The following RNF41 variants were observed in gnomAD, a reference collection of about 807,000 sequenced individuals.
The protein encoded by RNF41 is ring finger protein 41.
A neutral mutation model predicts 33.0 loss-of-function variants in RNF41; 4 were observed. The ratio of observed to expected loss-of-function variants is 0.12; its 90% CI spans 0.06 to 0.28. The LOEUF is 0.28. RNF41 is among the 10% of genes least tolerant of loss of function. The pLI is 1.00. For missense variants in RNF41, 228 were observed against 432.6 expected, an observed-to-expected ratio of 0.53 and a Z score of 4.19; for synonymous variants, 164 against 153.2, an observed-to-expected ratio of 1.07 and a Z score of -0.52.
Position 56,206,860 on chromosome 12 carries a change from T to C in RNF41, c.603-62A>G. 8.0e-7 allele frequency: 1 copy of C among 1,256,830 alleles called. No homozygotes were observed. Among genetic ancestry groups the C allele is most frequent in the Non-Finnish European group, 1.1e-6 (1 of 903,296 alleles). The allele number at this position is 1,256,830 out of a possible 1,614,324, so 77.9% of individuals were successfully genotyped here. On this transcript the variant is annotated intron_variant, in intron 6 of 6. Transcript: ENST00000345093. This position sits in a 1 kb window ranked among gnomAD's most constrained non-coding sequence, Gnocchi z 5.7. ...ATCTCCTTTCTCTGTATTGGCTTTTTCTGCTAATAGAAATAACTACCCACT... is the reference window on the plus strand; with the variant it reads ...ATCTCCTTTCTCTGTATTGGCTTTTCCTGCTAATAGAAATAACTACCCACT...
Position 56,206,406 on chromosome 12 carries a change from T to C in RNF41, c.*41A>G. On this transcript the variant is annotated 3_prime_UTR_variant, in exon 7 of 7. Coordinates refer to ENST00000345093, the MANE Select transcript of RNF41 (RefSeq NM_005785.4). The surrounding 1 kb of genome is among the most constrained non-coding windows in gnomAD (Gnocchi z 5.7). The stretch of plus-strand genomic sequence containing the variant: ...GTCCCAGCTGCTGGAGTGATGGGAT[T>C]TTCTGATTTCCATCTCTTCCTGATA... 1 of 1,536,878 alleles carries C rather than the reference T, an allele frequency of 6.5e-7. No homozygotes were observed. Among genetic ancestry groups the C allele is most frequent in the Non-Finnish European group, 8.9e-7 (1 of 1,127,700 alleles).
chr12:56,207,223 C>T (rs901617830), intron 6 of RNF41: 6 of 1,327,472 alleles, frequency 4.5e-6, no homozygotes, highest in Non-Finnish European at 4.9e-6. Context: ...TTAGACTTCA[C>T]TTGTATACTT....
chr12:56,209,970 G>A (rs982488987), intron 4 of RNF41: 9 of 324,578 alleles, frequency 2.8e-5, no homozygotes, highest in African/African-American at 1.9e-4. Context: ...GAGGAAATAT[G>A]AGAAGGCTGG....
intron 4 of RNF41, among the ~76,000 whole-genome samples, chr12:56,208,946 C>T (rs1195838391): frequency 6.7e-6 from 1 of 149,724 alleles, no homozygotes; most frequent in East Asian, 2.0e-4. Context: ...CTCACTGCAA[C>T]CTCCGCCTCA....
chr12:56,210,694 T>G, intron 3 of RNF41, 126 bp from the exon 4 acceptor site: 3 of 888,938 alleles, frequency 3.4e-6, no homozygotes, highest in Non-Finnish European at 5.2e-6. Context: ...GTCCACTGGG[T>G]CACAGCAAAG....
At chr12:56,214,669 A>T (rs908137360) in intron 2 of RNF41, among the ~76,000 whole-genome samples, 2 of 151,818 alleles carry the variant, frequency 1.3e-5, no homozygotes, top group African/African-American at 2.4e-5. Context: ...GCTCTACTAA[A>T]AATACAAAAA....
Position 56,207,855 on chromosome 12 carries a change from G to A in RNF41, c.499-106C>T. The A allele has an allele frequency of 3.3e-6, 3 of 922,570 alleles. No homozygotes were observed. The Admixed American group carries it at 5.2e-5, about 16-fold the overall frequency. The allele number at this position is 922,570 out of a possible 1,614,324, so 57.1% of individuals were successfully genotyped here. On this transcript the variant is annotated intron_variant, in intron 5 of 6. Transcript: ENST00000345093. ...AACTGAGAGATCTGAAGAACAACCA[G>A]TTTGTAAGCTTCAGGAAGACAGGGA...
At chr12:56,211,018 C>T (rs924835793) in intron 3 of RNF41, among the ~76,000 whole-genome samples, 4 of 152,152 alleles carry the variant, frequency 2.6e-5, no homozygotes, top group African/African-American at 9.7e-5. Context: ...AACCCTGTCT[C>T]TACTAAAAAT....
At chr12:56,218,712 A>T (rs1201522099) in intron 1 of RNF41, among the ~76,000 whole-genome samples, 2 of 145,832 alleles carry the variant, frequency 1.4e-5, no homozygotes, top group Admixed American at 6.9e-5. Flanking sequence ...TATATATGTT[A>T]TTTTTTTTTT....
intron 2 of RNF41, among the ~76,000 whole-genome samples, chr12:56,214,709 A>G (rs1868739936): frequency 6.6e-6 from 1 of 151,570 alleles, no homozygotes; most frequent in Non-Finnish European, 1.5e-5. Context: ...CACATCTGTA[A>G]TCCCAGCTAC....
intron 4 of RNF41, chr12:56,208,515 C>T (rs1389217916): frequency 6.8e-6 from 3 of 442,370 alleles, no homozygotes; most frequent in Non-Finnish European, 1.2e-5. Flanking sequence ...TTTCTTTCCC[C>T]AATCAAGACA....
chr12:56,217,772 A>G (rs1394702195), intron 1 of RNF41, among the ~76,000 whole-genome samples: 1 of 152,054 alleles, frequency 6.6e-6, no homozygotes, highest in Non-Finnish European at 1.5e-5. Context: ...CATGAACCCT[A>G]TTGTGAACTG....
chr12:56,213,630 C>A (rs1337047236), intron 3 of RNF41, among the ~76,000 whole-genome samples: 3 of 152,072 alleles, frequency 2.0e-5, no homozygotes, highest in African/African-American at 7.2e-5. Context: ...AAGATGGAAC[C>A]TAGTAAGAGT....
intron 1 of RNF41, among the ~76,000 whole-genome samples, chr12:56,220,724 C>A (rs1273122746): frequency 1.1e-4 from 17 of 150,132 alleles, no homozygotes; most frequent in African/African-American, 4.2e-4. Flanking sequence ...GAGTGAGACT[C>A]CGTTTCAAAA....
At chr12:56,219,370 T>C (rs971476220) in intron 1 of RNF41, among the ~76,000 whole-genome samples, 54 of 151,638 alleles carry the variant, frequency 3.6e-4, no homozygotes, top group Non-Finnish European at 6.3e-4. Context: ...TTTTTTTTTT[T>C]ATTTTTAGTA....
intron 1 of RNF41, among the ~76,000 whole-genome samples, chr12:56,217,699 G>A (rs373896387): frequency 6.6e-6 from 1 of 152,160 alleles, no homozygotes; most frequent in East Asian, 1.9e-4. Context: ...GGAAACAAGC[G>A]AGCATTAAGG....
rs1284955550 is a variant in RNF41, at chr12:56,214,066, A to G, written c.-19T>C. On this transcript the variant is annotated 5_prime_UTR_variant, in exon 3 of 7. Transcript: ENST00000345093. ...ACCCCATGTCTCATCACTGAAACCC[A>G]GGTCCTGAAAGGACAACAGGAAAAA... 4.5e-6 allele frequency: 7 copies of G among 1,560,338 alleles called. No homozygotes were observed. Among genetic ancestry groups the G allele is most frequent in the African/African-American group, 1.4e-5 (1 of 73,968 alleles).
rs1176315557 is a variant in RNF41, at chr12:56,208,352, T to G, written c.363-54A>C. The stretch of plus-strand genomic sequence containing the variant: ...ACAGAGGTGATCCCTGGGACATGTA[T>G]GCAAATGGCCTATTCTGTGGCAGAT... On this transcript the variant is annotated intron_variant, in intron 4 of 6. Transcript: ENST00000345093. 10 of 1,598,144 alleles carry G rather than the reference T, an allele frequency of 6.3e-6. No homozygotes were observed. In the African/African-American group the frequency reaches 1.2e-4, roughly 19 times the overall value.
At chr12:56,219,940 C>T (rs1041535888) in intron 1 of RNF41, among the ~76,000 whole-genome samples, 9 of 151,550 alleles carry the variant, frequency 5.9e-5, no homozygotes, top group African/African-American at 1.9e-4. Context: ...TCAACTGAGC[C>T]GAGGAGGCAG....
Sources: gnomAD v4.1 joint callset for allele counts (sites outside exome capture counted in the v4.1 genomes callset) on GRCh38, gnomAD v4.1.1 for gene constraint, Gnocchi (gnomAD v3.1) non-coding constraint, MANE v1.5 for transcripts, NCBI Gene and HGNC (gene_info 2026-07-23, HGNC 2026-07-21) for gene names.